PELI3: variants seen among roughly 807,000 people sequenced by gnomAD.
PELI3 encodes the protein E3 ubiquitin-protein ligase pellino homolog 3.
In PELI3, 19 loss-of-function variants were observed where a neutral mutation model predicts 35.5. The observed-to-expected ratio is 0.54, with a 90% CI of 0.37 to 0.79. PELI3 has a LOEUF of 0.79. Among genes scored for constraint, PELI3 ranks in the 30% least tolerant of loss-of-function variants. The pLI, the probability that PELI3 is intolerant of heterozygous loss-of-function variation, is 0.00. For synonymous variants in PELI3, 262 were observed against 279.2 expected (o/e 0.94, Z 0.62); for missense variants, 490 against 661.2 (o/e 0.74, Z 2.84).
In PELI3 at chr11:66,476,120, G is replaced by C. The variant is rs35628751; in HGVS notation, c.1363G>C (p.Gly455Arg). ...ACPFCGAWLT[G>R]EHGCVRLIFQ... ...CCCCTTTTGCGGGGCCTGGCTTACC[G>C]GCGAGCATGGCTGCGTCCGCCTCAT... Residue 455 changes from glycine (G) to arginine (R), a missense_variant, in exon 8 of 8, where the codon GGC (glycine) becomes CGC (arginine). Gly to Arg is a moderately radical substitution (Grantham distance 125). Around this residue, in one of 3 missense-constraint regions of PELI3, gnomAD observed 349 missense variants for 484.8 expected, o/e 0.72. Transcript: ENST00000320740. 5 of 1,587,096 alleles carry C rather than the reference G, an allele frequency of 3.2e-6. No homozygotes were observed. Among genetic ancestry groups the C allele is most frequent in the Non-Finnish European group, 4.3e-6 (5 of 1,170,984 alleles).
rs751324877 is a variant in PELI3 at position 66,476,235 on chromosome 11, G to A, written c.*68G>A. 3 of 1,445,230 alleles carry A rather than the reference G, an allele frequency of 2.1e-6. No homozygotes were observed. The highest frequency in any genetic ancestry group is 2.8e-6 in the Non-Finnish European group (3 of 1,081,784). 89.5% of individuals were successfully genotyped at this position (1,445,230 alleles called of 1,614,324 possible). ...GGTCCCCACCTCCTGCAGCCCAGAG[G>A]GAGCTCTGCATGTGGGACACTCCCT... On this transcript the variant is annotated 3_prime_UTR_variant, in exon 8 of 8. Coordinates refer to ENST00000320740, the MANE Select transcript of PELI3 (RefSeq NM_145065.3).
At chr11:66,472,232 C>T in intron 4 of PELI3, 137 bp from the exon 5 acceptor site, 1 of 647,896 alleles carries the variant, frequency 1.5e-6, no homozygotes, top group East Asian at 2.7e-5. Context: ...ATCTGCTGCA[C>T]TGTCCACCCT....
rs770922679 is a variant in PELI3 at position 66,473,756 on chromosome 11, G to A, written c.671G>A (p.Arg224Gln). ...TCCCAGGAGCGAGCGGCCAAATGGC[G>A]GACCCCAGATGGCCTGATGGATGGA... ...IFLGERAAKW[R>Q]TPDGLMDGLT... The change falls in exon 7 of 8, where the codon CGG (arginine) becomes CAG (glutamine). Residue 224 changes from arginine to glutamine, a missense_variant. Physicochemically the swap from Arg to Gln is conservative, Grantham distance 43. Coordinates refer to ENST00000320740, the MANE Select transcript of PELI3 (RefSeq NM_145065.3). This position sits in a 1 kb window ranked among gnomAD's most constrained non-coding sequence, Gnocchi z 5.8. 9 of 1,613,708 alleles carry A rather than the reference G, an allele frequency of 5.6e-6. No homozygotes were observed. Among genetic ancestry groups the A allele is most frequent in the African/African-American group, 2.7e-5 (2 of 74,942 alleles).
intron 3 of PELI3, among the ~76,000 whole-genome samples, chr11:66,469,789 C>CTTTTTTTTT (rs1321074682): frequency 9.0e-6 from 1 of 110,890 alleles, no homozygotes; most frequent in African/African-American, 3.6e-5. Flanking sequence ...ACCAGGGAAT[C>CTTTTTTTTT]TGTTTTTTTT....
chr11:66,471,193 T>C (rs199613134), intron 3 of PELI3, 49 bp from the exon 4 acceptor site: 2 of 1,559,156 alleles, frequency 1.3e-6, no homozygotes, highest in African/African-American at 2.7e-5. Context: ...TTTCTCTCTT[T>C]CTCTCTCTCC....
chr11:66,470,097 G>A (rs1174041673), intron 3 of PELI3, among the ~76,000 whole-genome samples: 2 of 152,112 alleles, frequency 1.3e-5, no homozygotes, highest in Non-Finnish European at 2.9e-5. Context: ...ACTGCGCCCG[G>A]CCTCATCTGG....
At position 66,468,156 on chromosome 11, in the gene PELI3, G is replaced by C; in HGVS notation, c.28G>C (p.Gly10Arg). Residue 10 changes from glycine (G) to arginine (R), a missense_variant, in exon 2 of 8, where the codon GGG becomes CGG. By Grantham distance (125) the Gly-to-Arg change is moderately radical. Transcript: ENST00000320740. Reference protein sequence around the residue: MVLEGNPEVGSPRTSDLQHR... With the variant: MVLEGNPEVRSPRTSDLQHR... ...GGTGCTGGAAGGAAACCCTGAAGTG[G>C]GGTCCCCCCGAACCTCAGACCTCCA... is the stretch of plus-strand genomic sequence containing the variant. 6.2e-7 allele frequency: 1 copy of C among 1,608,784 alleles called. No individual in the cohort carries two copies.
At chr11:66,472,230 C>T in intron 4 of PELI3, 139 bp from the exon 5 acceptor site, 1 of 642,762 alleles carries the variant, frequency 1.6e-6, no homozygotes, top group East Asian at 2.7e-5. Flanking sequence ...ACATCTGCTG[C>T]ACTGTCCACC....
At chr11:66,472,317 TAC>T in intron 4 of PELI3, 50 bp from the exon 5 acceptor site, 1 of 1,443,680 alleles carries the variant, frequency 6.9e-7, no homozygotes, top group Non-Finnish European at 9.7e-7. Flanking sequence ...GCTCAAGGCA[TAC>T]ACTTATCATG....
chr11:66,472,026 A>T (rs1196427210), intron 4 of PELI3, among the ~76,000 whole-genome samples: 10 of 132,286 alleles, frequency 7.6e-5, no homozygotes, highest in Non-Finnish European at 1.1e-4. Flanking sequence ...CACCCAGCTA[A>T]TTTTTTTTTT....
chr11:66,469,791 G>GTT (rs34461329), intron 3 of PELI3, among the ~76,000 whole-genome samples: 1,246 of 124,466 alleles, frequency 0.01, 143 homozygotes, highest in African/African-American at 0.035. Flanking sequence ...CAGGGAATCT[G>GTT]TTTTTTTTTT....
rs776126149 is a variant in PELI3, at chr11:66,471,359, G to C, written c.342G>C (p.Pro114=). Residue 114 remains proline, a synonymous_variant, in exon 4 of 8, where the codon CCG becomes CCC. Coordinates refer to ENST00000320740, the MANE Select transcript of PELI3 (RefSeq NM_145065.3). ...KPDVMHHIST[P]LVSKALSNRG... ...ACGTCATGCACCACATCTCCACGCCGCTCGTCTCCAAGGCAAGCAACTGAC... is the reference window on the plus strand; with the variant it reads ...ACGTCATGCACCACATCTCCACGCCCCTCGTCTCCAAGGCAAGCAACTGAC... 1 of 1,613,884 alleles carries C rather than the reference G, an allele frequency of 6.2e-7. No individual in the cohort carries two copies. Among genetic ancestry groups the C allele is most frequent in the Non-Finnish European group, 8.5e-7 (1 of 1,179,926 alleles).
chr11:66,468,357 C>G, intron 2 of PELI3, 77 bp downstream of exon 2: 1 of 1,350,238 alleles, frequency 7.4e-7, no homozygotes, highest in Non-Finnish European at 9.7e-7. Flanking sequence ...CCGACCCCTC[C>G]TCCCCCCACA....
Position 66,476,312 on chromosome 11 carries a change from C to G in PELI3, c.*145C>G. 2.2e-6 allele frequency: 2 copies of G among 913,768 alleles called. No individual in the cohort carries two copies. The highest frequency in any genetic ancestry group is 3.2e-6 in the Non-Finnish European group (2 of 623,608). 56.6% of individuals were successfully genotyped at this position (913,768 alleles called of 1,614,324 possible). ...TGTTGGATGGGCTGTGCCCTTCCCC[C>G]CAACTGTGGCCCCCCAAGGAGGTCC... On this transcript the variant is annotated 3_prime_UTR_variant, in exon 8 of 8. Coordinates refer to ENST00000320740, the MANE Select transcript of PELI3 (RefSeq NM_145065.3).
intron 5 of PELI3, 124 bp downstream of exon 5, chr11:66,472,594 A>T (rs912712529): frequency 8.2e-5 from 61 of 748,236 alleles, no homozygotes; most frequent in Non-Finnish European, 1.2e-4. Context: ...AGGAAGCAGG[A>T]TGTCCCGGTG....
In PELI3 at chr11:66,467,498, CAGG is replaced by C. The variant is rs1354966291; in HGVS notation, c.-2+477_-2+479del. On this transcript the variant is annotated intron_variant, in intron 1 of 7. Transcript: ENST00000320740. The surrounding 1 kb of genome is among the most constrained non-coding windows in gnomAD (Gnocchi z 4.2). ...CCTGAGGGAGGGAAGAGCGCGCACC[CAGG>C]AGGAGTCTATTGGCCTACCCGCAGG... 6.6e-6 allele frequency: 1 copy of C among 152,126 alleles called. No individual in the cohort carries two copies. Among genetic ancestry groups the C allele is most frequent in the Non-Finnish European group, 1.5e-5 (1 of 68,070 alleles). The allele number at this position is 152,126 out of a possible 1,614,324, so 9.4% of individuals were successfully genotyped here.
chr11:66,467,772 A>C lies in PELI3; in HGVS notation c.-1-356A>C, dbSNP rs2134684835. ...AGAGGTCCAGAGGCTAAGAGCTATAAGCAGGAACTGAGTCTGAGATGAGGG... is the reference window on the plus strand; with the variant it reads ...AGAGGTCCAGAGGCTAAGAGCTATACGCAGGAACTGAGTCTGAGATGAGGG... On this transcript the variant is annotated intron_variant, in intron 1 of 7. Coordinates refer to ENST00000320740, the MANE Select transcript of PELI3 (RefSeq NM_145065.3). The surrounding 1 kb of genome is among the most constrained non-coding windows in gnomAD (Gnocchi z 4.2). Among the ~76,000 whole-genome samples, 1 of 152,310 alleles carries C rather than the reference A, an allele frequency of 6.6e-6. No individual in the cohort carries two copies. The highest frequency in any genetic ancestry group is 1.5e-5 in the Non-Finnish European group (1 of 68,008).
At chr11:66,468,093 A>G (rs1489169038) in intron 1 of PELI3, 35 bp from the exon 2 acceptor site, 1 of 1,552,878 alleles carries the variant, frequency 6.4e-7, no homozygotes, top group Admixed American at 1.9e-5. Context: ...TGGGGTGGGA[A>G]CCTACAAAGC....
chr11:66,468,367 A>G, intron 2 of PELI3, 87 bp downstream of exon 2: 3 of 1,300,612 alleles, frequency 2.3e-6, no homozygotes, highest in East Asian at 2.8e-5. Flanking sequence ...CTCCCCCCAC[A>G]TAGGGCCTTC....
Sources: allele counts gnomAD v4.1 joint callset (sites outside exome capture counted in the v4.1 genomes callset), GRCh38; gene constraint gnomAD v4.1.1; regional missense constraint gnomAD v4.1.1; non-coding constraint Gnocchi (gnomAD v3.1); transcripts MANE v1.5; gene names NCBI Gene and HGNC (gene_info 2026-07-23, HGNC 2026-07-21).